Variants in PHGDH observed in about 807,000 individuals in gnomAD.
PHGDH encodes the protein phosphoglycerate dehydrogenase, also known as D-3-phosphoglycerate dehydrogenase.
A neutral mutation model predicts 52.6 loss-of-function variants in PHGDH; 50 were observed. The observed-to-expected ratio is 0.95, with a 90% CI of 0.76 to 1.20. PHGDH has a LOEUF of 1.20. Among genes scored for constraint, PHGDH ranks in the 50% most tolerant of loss-of-function variants. The probability of loss-of-function intolerance (pLI) is 0.00; values close to 1 mark genes in which losing one functional copy is unlikely to be tolerated. For synonymous variants in PHGDH, 271 were observed against 280.5 expected, an observed-to-expected ratio of 0.97 and a Z score of 0.34; for missense variants, 630 against 684.6, an observed-to-expected ratio of 0.92 and a Z score of 0.89.
At position 119,726,689 on chromosome 1, in the gene PHGDH, T is replaced by C. The variant is rs1303635924; in HGVS notation, c.357-162T>C. ...TTGCCAAGGGTTTCTCTCTTCTGTT[T>C]TCCCTTTATCCCCCATCAGTGTTCC... On this transcript the variant is annotated intron_variant, in intron 3 of 11. Transcript: ENST00000641023. 4.3e-6 allele frequency: 3 copies of C among 693,760 alleles called. No individual in the cohort carries two copies. In the African/African-American group the frequency reaches 5.3e-5, roughly 12 times the overall value. 43.0% of individuals were successfully genotyped at this position (693,760 alleles called of 1,614,324 possible).
At chr1:119,742,404 A>T (rs867011487) in intron 10 of PHGDH, 2 of 390,750 alleles carry the variant, frequency 5.1e-6, no homozygotes, top group African/African-American at 4.1e-5. Flanking sequence ...GATAGGCAGT[A>T]GAGCTGCCAT....
chr1:119,726,630 G>C, intron 3 of PHGDH: 1 of 606,972 alleles, frequency 1.6e-6, no homozygotes, highest in Admixed American at 2.6e-5. Flanking sequence ...ATGCCTGGCT[G>C]GTCACAGAAA....
chr1:119,737,077 C>T, intron 7 of PHGDH, 37 bp from the exon 8 acceptor site: 1 of 1,612,094 alleles, frequency 6.2e-7, no homozygotes, highest in South Asian at 1.1e-5. Context: ...GTGGCCAGTC[C>T]ATGGCAGCCA....
In PHGDH at chr1:119,742,949, C is replaced by G. The variant is rs1283054540; in HGVS notation, c.1352C>G (p.Ala451Gly). 3 of 1,613,966 alleles carry G rather than the reference C, an allele frequency of 1.9e-6. No homozygotes were observed. In the African/African-American group the frequency reaches 4.0e-5, roughly 22 times the overall value. ...TTPVLQGLNG[A>G]VFRPEVPLRR... ...CCTGTACTGCAGGGGCTCAATGGAG[C>G]TGTCTTCAGGCCAGAAGTGCCTCTC... is the stretch of plus-strand genomic sequence containing the variant. Residue 451 changes from alanine to glycine, a missense_variant, in exon 11 of 12, where the codon GCT becomes GGT. Physicochemically the swap from Ala to Gly is moderately conservative, Grantham distance 60. Coordinates refer to ENST00000641023, the MANE Select transcript of PHGDH (RefSeq NM_006623.4).
Position 119,712,227 on chromosome 1 carries a change from A to AGGCCAGCGCGCCCC in PHGDH, c.138+68_138+81dup, listed in dbSNP as rs1269428798. Reference sequence around the variant, plus strand: ...CCATGGAAAAAGGCTGGCTGCGCCCAGGCCAGCGCGCCCCCCTCGCATGCA... The same window carrying AGGCCAGCGCGCCCC: ...CCATGGAAAAAGGCTGGCTGCGCCCAGGCCAGCGCGCCCCGGCCAGCGCGCCCCCCTCGCATGCA... On this transcript the variant is annotated intron_variant, in intron 1 of 11. Coordinates refer to ENST00000641023, the MANE Select transcript of PHGDH (RefSeq NM_006623.4). The AGGCCAGCGCGCCCC allele has an allele frequency of 4.1e-6, 6 of 1,449,414 alleles. No homozygotes were observed. The African/African-American group carries it at 8.4e-5, about 20-fold the overall frequency. The allele number at this position is 1,449,414 out of a possible 1,614,324, so 89.8% of individuals were successfully genotyped here. A position where few individuals can be genotyped will look rare whatever the true frequency, so the allele number is the denominator to read the frequency against.
At chr1:119,725,685 A>G (rs1435776605) in intron 3 of PHGDH, among the ~76,000 whole-genome samples, 1 of 152,070 alleles carries the variant, frequency 6.6e-6, no homozygotes, top group Non-Finnish European at 1.5e-5. Context: ...TAGAGATGAG[A>G]GAATGTTTTT....
chr1:119,727,433 T>C (rs939753751), intron 5 of PHGDH: 18 of 391,460 alleles, frequency 4.6e-5, no homozygotes, highest in Admixed American at 2.7e-4. Context: ...CGGTGCAGCA[T>C]TGAGGAGTTT....
intron 8 of PHGDH, chr1:119,739,699 G>A (rs587677807): frequency 1.3e-5 from 2 of 152,444 alleles, no homozygotes; most frequent in East Asian, 3.9e-4. Context: ...CAGAACCAGA[G>A]CATTTTGAAC....
intron 1 of PHGDH, among the ~76,000 whole-genome samples, chr1:119,717,179 C>T (rs587737174): frequency 2.3e-5 from 3 of 129,436 alleles, no homozygotes; most frequent in South Asian, 2.5e-4. Flanking sequence ...TTGCAGTGAG[C>T]CAAGATCGCG....
intron 2 of PHGDH, 141 bp downstream of exon 2, chr1:119,721,462 C>A (rs1189829053): frequency 1.2e-5 from 9 of 752,720 alleles, no homozygotes; most frequent in Non-Finnish European, 1.9e-5. Flanking sequence ...CTAGGGCCTG[C>A]ATGGTCAACA....
chr1:119,742,978 A>C lies in PHGDH; in HGVS notation c.1381A>C (p.Arg461=). ...CTTCAGGCCAGAAGTGCCTCTCCGC[A>C]GGGACCTGCCCCTGCTCCTATTCCG... is the stretch of plus-strand genomic sequence containing the variant. ...AVFRPEVPLR[R]DLPLLLFRTQ... Residue 461 remains arginine, a synonymous_variant, in exon 11 of 12, where the codon AGG becomes CGG. Transcript: ENST00000641023. 6.2e-7 allele frequency: 1 copy of C among 1,614,196 alleles called. No homozygotes were observed. Among genetic ancestry groups the C allele is most frequent in the South Asian group, 1.1e-5 (1 of 91,088 alleles).
chr1:119,737,798 A>G (rs1041894697), intron 8 of PHGDH, among the ~76,000 whole-genome samples: 1 of 152,090 alleles, frequency 6.6e-6, no homozygotes, highest in Non-Finnish European at 1.5e-5. Context: ...GCTTCCATCA[A>G]GCCCTTCCTG....
intron 5 of PHGDH, 172 bp from the exon 6 acceptor site, chr1:119,734,462 C>A: frequency 1.4e-6 from 1 of 707,362 alleles, no homozygotes; most frequent in Non-Finnish European, 2.6e-6. Context: ...GTAAATAGTA[C>A]TTAGTATGTG....
intron 7 of PHGDH, 34 bp downstream of exon 7, chr1:119,735,477 G>A (rs754451020): frequency 8.1e-6 from 13 of 1,597,324 alleles, no homozygotes; most frequent in African/African-American, 1.3e-5. Context: ...TCAGGAGGAC[G>A]GGAGAGATAG....
At chr1:119,743,380 T>G (rs1652300446) in intron 11 of PHGDH, among the ~76,000 whole-genome samples, 1 of 152,192 alleles carries the variant, frequency 6.6e-6, no homozygotes. Flanking sequence ...GGACATTGAG[T>G]GCAGGTTTCT....
chr1:119,720,968 C>T (rs1214685326), intron 1 of PHGDH: 4 of 622,298 alleles, frequency 6.4e-6, no homozygotes, highest in Admixed American at 2.3e-5. Context: ...CAGTCTCCTC[C>T]ACTCTAAGTA....
intron 3 of PHGDH, 143 bp downstream of exon 3, chr1:119,723,584 A>G: frequency 2.8e-6 from 2 of 714,082 alleles, no homozygotes; most frequent in South Asian, 3.0e-5. Flanking sequence ...GCAGACTGCA[A>G]AGAACCTTTA....
chr1:119,712,275 G>C, intron 1 of PHGDH, 115 bp downstream of exon 1: 4 of 863,934 alleles, frequency 4.6e-6, no homozygotes, highest in Admixed American at 2.1e-5. Flanking sequence ...TAGTTCCGGG[G>C]CCTCCTGAGA....
At chr1:119,737,796 C>T (rs1652011932) in intron 8 of PHGDH, among the ~76,000 whole-genome samples, 1 of 152,200 alleles carries the variant, frequency 6.6e-6, no homozygotes, top group Admixed American at 6.5e-5. Context: ...TTGCTTCCAT[C>T]AAGCCCTTCC....
Sources: allele counts gnomAD v4.1 joint callset (sites outside exome capture counted in the v4.1 genomes callset), GRCh38; gene constraint gnomAD v4.1.1; transcripts MANE v1.5; gene names NCBI Gene and HGNC (gene_info 2026-07-23, HGNC 2026-07-21).